The following REDIC1 variants were observed in gnomAD, a reference collection of about 807,000 sequenced individuals.
REDIC1 encodes regulator of DNA class I crossover intermediates 1.
the REDIC1 span, among the ~76,000 whole-genome samples, chr12:39,841,555 T>C: frequency 7.2e-5 from 11 of 152,196 alleles, no homozygotes; most frequent in Non-Finnish European, 1.6e-4. Context: ...TAAATGTATA[T>C]CTATATACAT....
chr12:39,711,728 CATGT>C, the REDIC1 span, among the ~76,000 whole-genome samples: 1 of 11,160 alleles, frequency 9.0e-5, no homozygotes, highest in South Asian at 2.3e-3. Flanking sequence ...TATGCACATG[CATGT>C]GTGTATGTGT....
the REDIC1 span, among the ~76,000 whole-genome samples, chr12:39,799,601 C>T: frequency 6.6e-6 from 1 of 151,966 alleles, no homozygotes; most frequent in African/African-American, 2.4e-5. Context: ...AAATGCAAAC[C>T]AGGGGTTAGC....
the REDIC1 span, among the ~76,000 whole-genome samples, chr12:39,730,844 T>A: frequency 6.6e-6 from 1 of 152,178 alleles, no homozygotes; most frequent in African/African-American, 2.4e-5. Flanking sequence ...GAGGCTTTGT[T>A]CATTTCTCTT....
At chr12:39,638,548 A>T in the REDIC1 span, among the ~76,000 whole-genome samples, 21 of 152,134 alleles carry the variant, frequency 1.4e-4, no homozygotes, top group African/African-American at 5.1e-4. Context: ...TGAATCAGCC[A>T]AATATACTTT....
chr12:39,774,794 T>C, the REDIC1 span, among the ~76,000 whole-genome samples: 1 of 152,202 alleles, frequency 6.6e-6, no homozygotes, highest in Non-Finnish European at 1.5e-5. Flanking sequence ...ATTATTTATC[T>C]ATAAATCATT....
At chr12:39,748,957 A>G in the REDIC1 span, among the ~76,000 whole-genome samples, 2 of 152,130 alleles carry the variant, frequency 1.3e-5, no homozygotes, top group African/African-American at 4.8e-5. Flanking sequence ...AATACCCACA[A>G]GAGAAAGCAG....
chr12:39,842,201 G>A, the REDIC1 span, among the ~76,000 whole-genome samples: 1 of 152,014 alleles, frequency 6.6e-6, no homozygotes, highest in Non-Finnish European at 1.5e-5. Context: ...AAGAAAATAA[G>A]CTAAAACTAA....
chr12:39,898,103 G>T, the REDIC1 span, among the ~76,000 whole-genome samples: 5 of 151,994 alleles, frequency 3.3e-5, no homozygotes, highest in Non-Finnish European at 1.5e-5. Flanking sequence ...TATAATTTTT[G>T]TTCTTATTTA....
chr12:39,895,985 CATTCATATATGTGTATAT>C, the REDIC1 span, among the ~76,000 whole-genome samples: 3 of 143,854 alleles, frequency 2.1e-5, no homozygotes, highest in African/African-American at 8.4e-5. Flanking sequence ...TGTATACATA[CATTCATATATGTGTATAT>C]ATACATGTGT....
At chr12:39,770,482 A>G in the REDIC1 span, among the ~76,000 whole-genome samples, 38 of 152,322 alleles carry the variant, frequency 2.5e-4, no homozygotes, top group African/African-American at 6.5e-4. Context: ...GACATTAGCA[A>G]TAACAGTTAT....
the REDIC1 span, among the ~76,000 whole-genome samples, chr12:39,795,893 CAT>C: frequency 2.0e-5 from 3 of 152,256 alleles, no homozygotes; most frequent in African/African-American, 7.2e-5. Context: ...GGATCATTCA[CAT>C]GTCATCAATT....
chr12:39,897,116 T>C, the REDIC1 span, among the ~76,000 whole-genome samples: 2 of 152,196 alleles, frequency 1.3e-5, no homozygotes, highest in African/African-American at 4.8e-5. Flanking sequence ...TTATCATTGT[T>C]CCTGTGAATT....
chr12:39,771,076 C>T, the REDIC1 span, among the ~76,000 whole-genome samples: 1 of 152,112 alleles, frequency 6.6e-6, no homozygotes, highest in Non-Finnish European at 1.5e-5. Flanking sequence ...AACCATATTT[C>T]CTAGACATAA....
At chr12:39,888,242 T>A in the REDIC1 span, among the ~76,000 whole-genome samples, 1 of 152,196 alleles carries the variant, frequency 6.6e-6, no homozygotes, top group Non-Finnish European at 1.5e-5. Flanking sequence ...TTATTTATTT[T>A]GAGAAGGAGT....
chr12:39,848,704 A>G, the REDIC1 span, among the ~76,000 whole-genome samples: 1 of 152,214 alleles, frequency 6.6e-6, no homozygotes, highest in Non-Finnish European at 1.5e-5. Context: ...GCATTCTACC[A>G]TAAAGACACA....
the REDIC1 span, among the ~76,000 whole-genome samples, chr12:39,652,603 G>A: frequency 3.1e-4 from 47 of 152,132 alleles, no homozygotes; most frequent in African/African-American, 1.1e-3. Flanking sequence ...GATGAAGTCC[G>A]ACATTAATTT....
chr12:39,637,752 C>A, the REDIC1 span, among the ~76,000 whole-genome samples: 7 of 151,918 alleles, frequency 4.6e-5, no homozygotes, highest in South Asian at 4.2e-4. Context: ...ATTGGCAAGT[C>A]CTTTTAATTA....
chr12:39,755,401 T>G, the REDIC1 span: 1 of 152,090 alleles, frequency 6.6e-6, no homozygotes, highest in Admixed American at 6.6e-5. Flanking sequence ...AACTGTGATT[T>G]GATTTAATCT....
At chr12:39,741,871 A>T in the REDIC1 span, among the ~76,000 whole-genome samples, 4 of 152,220 alleles carry the variant, frequency 2.6e-5, no homozygotes, top group Non-Finnish European at 5.9e-5. Flanking sequence ...AGTCAGCCAC[A>T]ACATACTGGG....
Sources: allele counts gnomAD v4.1 joint callset (sites outside exome capture counted in the v4.1 genomes callset), GRCh38; gene constraint gnomAD v4.1.1; transcripts MANE v1.5; gene names NCBI Gene and HGNC (gene_info 2026-07-23, HGNC 2026-07-21).